The following IDE variants were observed in gnomAD, a reference collection of about 807,000 sequenced individuals.
IDE encodes insulin-degrading enzyme.
In IDE, 58 loss-of-function variants were observed where a neutral mutation model predicts 133.2. The observed-to-expected ratio is 0.44, with a 90% CI of 0.35 to 0.54. The LOEUF (loss-of-function observed/expected upper bound fraction) is 0.54, where lower values mean the gene tolerates loss of function less well. Among genes scored for constraint, IDE ranks in the 20% least tolerant of loss-of-function variants. IDE has a pLI of 0.00. For missense variants in IDE, 981 were observed against 1,234.0 expected, an observed-to-expected ratio of 0.79 and a Z score of 3.07; for synonymous variants, 396 against 421.3, an observed-to-expected ratio of 0.94 and a Z score of 0.73.
chr10:92,524,455 T>TATATATTTTATATAATATATA (rs1849472515), intron 4 of IDE, among the ~76,000 whole-genome samples: 2 of 5,826 alleles, frequency 3.4e-4, no homozygotes, highest in Non-Finnish European at 7.3e-4. Flanking sequence ...TTTTATATAT[T>TATATATTTTATATAATATATA]ATATATTTTA....
chr10:92,507,832 G>A (rs1323773513), intron 8 of IDE, among the ~76,000 whole-genome samples, 166 bp from the exon 9 acceptor site: 1 of 152,112 alleles, frequency 6.6e-6, no homozygotes, highest in Non-Finnish European at 1.5e-5. Flanking sequence ...ATGGCCCTCT[G>A]GGCTCAGAGA....
At chr10:92,458,089 A>AT (rs916171799) in intron 22 of IDE, among the ~76,000 whole-genome samples, 9 of 152,114 alleles carry the variant, frequency 5.9e-5, no homozygotes, top group African/African-American at 1.9e-4. Context: ...CCAGTTTCAG[A>AT]TTGTTCCCGA....
chr10:92,538,367 A>T (rs138049684), intron 1 of IDE, among the ~76,000 whole-genome samples: 47 of 152,356 alleles, frequency 3.1e-4, no homozygotes, highest in African/African-American at 1.1e-3. Flanking sequence ...CCCATAGGGA[A>T]CAACCCCCAA....
chr10:92,516,794 A>G (rs577316390), intron 4 of IDE, among the ~76,000 whole-genome samples: 29 of 152,240 alleles, frequency 1.9e-4, no homozygotes, highest in Non-Finnish European at 3.7e-4. Flanking sequence ...TGCTATTTTT[A>G]TAACTCTCCA....
At chr10:92,567,166 A>G (rs1843595581) in intron 1 of IDE, among the ~76,000 whole-genome samples, 1 of 152,184 alleles carries the variant, frequency 6.6e-6, no homozygotes, top group African/African-American at 2.4e-5. Context: ...GACTGTGCCC[A>G]CTGCTGTACC....
At chr10:92,492,015 C>G (rs1847382374) in intron 11 of IDE, among the ~76,000 whole-genome samples, 1 of 152,022 alleles carries the variant, frequency 6.6e-6, no homozygotes, top group African/African-American at 2.4e-5. Flanking sequence ...AATCCCAGCA[C>G]TTTGGGAGGC....
At chr10:92,523,234 A>G (rs1849325988) in intron 4 of IDE, among the ~76,000 whole-genome samples, 1 of 151,922 alleles carries the variant, frequency 6.6e-6, no homozygotes, top group Non-Finnish European at 1.5e-5. Context: ...TACAAAAACT[A>G]GCCAGGTGTG....
chr10:92,497,418 G>A (rs912696733), intron 11 of IDE, among the ~76,000 whole-genome samples: 2 of 152,126 alleles, frequency 1.3e-5, no homozygotes, highest in Non-Finnish European at 2.9e-5. Flanking sequence ...CTACTTAGCT[G>A]GGATACTGCA....
At position 92,531,875 on chromosome 10, in the gene IDE, G is replaced by C. The variant is rs539131694; in HGVS notation, c.534C>G (p.Cys178Trp). The change falls in exon 4 of 25, where the codon TGC (cysteine) becomes TGG (tryptophan). Residue 178 changes from cysteine (C) to tryptophan (W), a missense_variant. Around this residue, in one of 2 missense-constraint regions of IDE, gnomAD observed 321 missense variants for 339.3 expected, o/e 0.95. Transcript: ENST00000265986. The part of the protein sequence containing the change: ...FFLCPLFDES[C>W]KDREVNAVDS... ...CAACTGCATTCACCTCTCTGTCTTT[G>C]CAACTTTCATCGAACAAGGGGCACA... The C allele has an allele frequency of 1.3e-6, 2 of 1,573,208 alleles. No individual in the cohort carries two copies. The highest frequency in any genetic ancestry group is 1.7e-5 in the Admixed American group (1 of 57,838).
At chr10:92,492,934 A>G (rs1026323743) in intron 11 of IDE, among the ~76,000 whole-genome samples, 1 of 151,732 alleles carries the variant, frequency 6.6e-6, no homozygotes, top group African/African-American at 2.4e-5. Flanking sequence ...AAGCAAGATG[A>G]CTCACCTGTC....
intron 1 of IDE, chr10:92,541,361 G>C (rs748689193): frequency 2.1e-6 from 1 of 470,190 alleles, no homozygotes; most frequent in South Asian, 1.6e-5. Context: ...TTCATCAACA[G>C]CTTGCCTGTC....
chr10:92,572,862 T>C, intron 1 of IDE: 8 of 983,888 alleles, frequency 8.1e-6, no homozygotes, highest in Non-Finnish European at 9.7e-6. Flanking sequence ...CCCCCATCTC[T>C]GGCCCCACAC....
At chr10:92,559,735 A>AATT (rs1843187847) in intron 1 of IDE, among the ~76,000 whole-genome samples, 1 of 129,470 alleles carries the variant, frequency 7.7e-6, no homozygotes. Context: ...CATGAATGGT[A>AATT]TATTTTTTTT....
At chr10:92,518,971 T>C (rs545916777) in intron 4 of IDE, among the ~76,000 whole-genome samples, 12 of 152,314 alleles carry the variant, frequency 7.9e-5, no homozygotes, top group African/African-American at 2.6e-4. Context: ...CTTTAAGCAG[T>C]GTGACAGAGA....
At chr10:92,490,451 T>C in intron 12 of IDE, 42 bp downstream of exon 12, 1 of 1,220,726 alleles carries the variant, frequency 8.2e-7, no homozygotes, top group South Asian at 1.2e-5. Context: ...GTTCTTGTGA[T>C]TCCTCACATG....
chr10:92,552,970 A>G (rs1472061812), intron 1 of IDE, among the ~76,000 whole-genome samples: 1 of 151,984 alleles, frequency 6.6e-6, no homozygotes, highest in Admixed American at 6.6e-5. Context: ...ATACTCTAAA[A>G]AAGATGGGGC....
At chr10:92,497,079 C>T (rs1375302721) in intron 11 of IDE, among the ~76,000 whole-genome samples, 2 of 152,154 alleles carry the variant, frequency 1.3e-5, no homozygotes, top group Admixed American at 6.5e-5. Flanking sequence ...ACAAGAAAAC[C>T]GTCGTTATCA....
chr10:92,497,623 G>T, intron 11 of IDE: 1 of 445,810 alleles, frequency 2.2e-6, no homozygotes, highest in Non-Finnish European at 3.0e-6. Flanking sequence ...TCCCTACCTG[G>T]TTGCAATGTT....
rs1244814777 is a variant in IDE, at chr10:92,529,889, T to C, written c.661+1859A>G. Among the ~76,000 whole-genome samples, 4 of 152,256 alleles carry C rather than the reference T, an allele frequency of 2.6e-5. No homozygotes were observed. The East Asian group carries it at 7.7e-4, about 29-fold the overall frequency. The stretch of plus-strand genomic sequence containing the variant: ...AGGAGCTCCAACATATTCTGCAAAA[T>C]AGCAGCATTGTTTGTGTAAGTATCT... On this transcript the variant is annotated intron_variant, in intron 4 of 24. Coordinates refer to ENST00000265986, the MANE Select transcript of IDE (RefSeq NM_004969.4).
Sources: allele counts gnomAD v4.1 joint callset (sites outside exome capture counted in the v4.1 genomes callset), GRCh38; gene constraint gnomAD v4.1.1; regional missense constraint gnomAD v4.1.1; transcripts MANE v1.5; gene names NCBI Gene and HGNC (gene_info 2026-07-23, HGNC 2026-07-21).